Variants in ADRA1A observed in about 807,000 individuals in gnomAD.
ADRA1A encodes adrenoceptor alpha 1A.
Under a neutral mutation model 29.6 loss-of-function variants are expected in ADRA1A, and 31 were observed. The ratio of observed to expected loss-of-function variants is 1.05; its 90% CI spans 0.79 to 1.41. ADRA1A has a LOEUF of 1.41. Ranked by LOEUF, ADRA1A falls within the 40% of genes most tolerant of loss-of-function variation. ADRA1A has a pLI of 0.00. For synonymous variants in ADRA1A, 311 were observed against 254.3 expected, an observed-to-expected ratio of 1.22 and a Z score of -2.12; for missense variants, 619 against 601.1, an observed-to-expected ratio of 1.03 and a Z score of -0.31.
chr8:26,839,665 C>T (rs928632460), intron 2 of ADRA1A, among the ~76,000 whole-genome samples: 2 of 152,150 alleles, frequency 1.3e-5, no homozygotes, highest in Non-Finnish European at 2.9e-5. Context: ...TTAGTCCACT[C>T]TGGGGTGGCT....
At chr8:26,807,878 C>T (rs1318934312) in intron 2 of ADRA1A, among the ~76,000 whole-genome samples, 3 of 152,078 alleles carry the variant, frequency 2.0e-5, no homozygotes, top group African/African-American at 7.2e-5. Context: ...TTTGCAAGGT[C>T]CAAGCCTCAC....
At chr8:26,826,131 C>G (rs1810544005) in intron 2 of ADRA1A, among the ~76,000 whole-genome samples, 1 of 152,334 alleles carries the variant, frequency 6.6e-6, no homozygotes, top group South Asian at 2.1e-4. Context: ...CTTCTGTGGC[C>G]TTCCTCAGGC....
At chr8:26,757,219 G>C in intron 2 of ADRA1A, 5 of 695,746 alleles carry the variant, frequency 7.2e-6, no homozygotes, top group Non-Finnish European at 7.9e-6. Context: ...ACAAGTTTGA[G>C]ATTCTGAGTC....
At position 26,864,255 on chromosome 8, in the gene ADRA1A, T is replaced by C; in HGVS notation, c.715A>G (p.Lys239Glu). 1 of 1,614,156 alleles carries C rather than the reference T, an allele frequency of 6.2e-7. No individual in the cohort carries two copies. The highest frequency in any genetic ancestry group is 8.5e-7 in the Non-Finnish European group (1 of 1,180,026). ...CCGCTGCCTCCTGCCGGGGCGTTTT[T>C]CCGATGGATGCGGAGCGTCACTTGC... ...SEQVTLRIHR[K>E]NAPAGGSGMA... The change falls in exon 2 of 3, where the codon AAA (lysine) becomes GAA (glutamate). Residue 239 changes from lysine to glutamate, a missense_variant. By Grantham distance (56) the Lys-to-Glu change is moderately conservative. Coordinates refer to ENST00000380573, the MANE Select transcript of ADRA1A (RefSeq NM_000680.4). The surrounding 1 kb of genome is among the most constrained non-coding windows in gnomAD (Gnocchi z 8.1).
At chr8:26,762,257 G>C (rs35615018), downstream of ADRA1A, among the ~76,000 whole-genome samples, 14,589 of 152,132 alleles carry the variant, frequency 0.096, 1,019 homozygotes, top group East Asian at 0.34. The surrounding 1 kb of genome is among the most constrained non-coding windows in gnomAD (Gnocchi z 4.0). Flanking sequence ...GTGGCTGCAC[G>C]TTGTTTGTAC....
chr8:26,777,799 G>C (rs139336326), intron 2 of ADRA1A, among the ~76,000 whole-genome samples: 1 of 152,208 alleles, frequency 6.6e-6, no homozygotes, highest in Non-Finnish European at 1.5e-5. Flanking sequence ...AAGGGGAACC[G>C]GGCACACTGT....
chr8:26,799,852 A>T (rs1808441662), intron 2 of ADRA1A, among the ~76,000 whole-genome samples: 1 of 152,246 alleles, frequency 6.6e-6, no homozygotes, highest in East Asian at 1.9e-4. Flanking sequence ...AAGAAGAAAG[A>T]ACATTTGAAT....
In ADRA1A at chr8:26,794,741, A is replaced by G. The variant is rs77543000; in HGVS notation, c.884-24075T>C. Among the ~76,000 whole-genome samples the G allele has an allele frequency of 1.1e-4, 16 of 152,234 alleles. No homozygotes were observed. In the East Asian group the frequency reaches 3.1e-3, roughly 29 times the overall value. On this transcript the variant is annotated intron_variant, in intron 2 of 2. Transcript: ENST00000380573. Reference sequence around the variant, plus strand: ...GACCTATGAGCTCTAGTTAGCTAACATCTAAGGTAGGATTTATCCCTCACT... The same window carrying G: ...GACCTATGAGCTCTAGTTAGCTAACGTCTAAGGTAGGATTTATCCCTCACT...
At chr8:26,840,880 G>C (rs577603663) in intron 2 of ADRA1A, among the ~76,000 whole-genome samples, 3 of 152,282 alleles carry the variant, frequency 2.0e-5, no homozygotes, top group Admixed American at 2.0e-4. Context: ...TCTCAGTAAT[G>C]ACAGGAGAAT....
chr8:26,865,299 A>C lies in ADRA1A; in HGVS notation c.-330T>G. 1 of 1,163,576 alleles carries C rather than the reference A, an allele frequency of 8.6e-7. No individual in the cohort carries two copies. The highest frequency in any genetic ancestry group is 1.1e-6 in the Non-Finnish European group (1 of 942,604). The allele number at this position is 1,163,576 out of a possible 1,614,324, so 72.1% of individuals were successfully genotyped here. On this transcript the variant is annotated 5_prime_UTR_variant, in exon 2 of 3. Transcript: ENST00000380573. This position sits in a 1 kb window ranked among gnomAD's most constrained non-coding sequence, Gnocchi z 7.6. ...GAAGCTGGGTGCGAAGATCCAGGAG[A>C]CTCCTTGCAACATGCAATTCCAGAA...
intron 2 of ADRA1A, among the ~76,000 whole-genome samples, chr8:26,838,568 T>A (rs1811562439): frequency 6.6e-6 from 1 of 152,224 alleles, no homozygotes; most frequent in South Asian, 2.1e-4. Flanking sequence ...GCCTATGGAA[T>A]ACAATTTAGA....
At chr8:26,783,026 A>C (rs1695948915) in intron 2 of ADRA1A, among the ~76,000 whole-genome samples, 1 of 152,082 alleles carries the variant, frequency 6.6e-6, no homozygotes, top group South Asian at 2.1e-4. Flanking sequence ...TCTGGCCACC[A>C]CCACGTCTAG....
At chr8:26,798,026 TG>T (rs1251787083) in intron 2 of ADRA1A, among the ~76,000 whole-genome samples, 1 of 151,768 alleles carries the variant, frequency 6.6e-6, no homozygotes, top group Non-Finnish European at 1.5e-5. Flanking sequence ...TCACCCAGGC[TG>T]GAGTTCAGTG....
At chr8:26,777,155 A>G (rs1242206785) in intron 2 of ADRA1A, among the ~76,000 whole-genome samples, 1 of 152,204 alleles carries the variant, frequency 6.6e-6, no homozygotes, top group Non-Finnish European at 1.5e-5. Flanking sequence ...CCTGGGGTTT[A>G]TGTGGGGCCA....
chr8:26,834,328 A>G (rs983474710), intron 2 of ADRA1A, among the ~76,000 whole-genome samples: 2 of 152,224 alleles, frequency 1.3e-5, no homozygotes, highest in Non-Finnish European at 2.9e-5. Context: ...CATTTCAACA[A>G]AGAGTTTACT....
At chr8:26,826,894 C>T (rs927550528) in intron 2 of ADRA1A, among the ~76,000 whole-genome samples, 2 of 152,206 alleles carry the variant, frequency 1.3e-5, no homozygotes, top group Non-Finnish European at 1.5e-5. Context: ...CTCATAAGAC[C>T]TCAGTCAATT....
intron 2 of ADRA1A, among the ~76,000 whole-genome samples, chr8:26,814,283 G>A (rs1371462129): frequency 4.0e-5 from 6 of 151,640 alleles, no homozygotes; most frequent in South Asian, 2.1e-4. Flanking sequence ...TTGCTCTGTC[G>A]CCCAGGCTGG....
At position 26,815,396 on chromosome 8, in the gene ADRA1A, T is replaced by G. The variant is rs73231567; in HGVS notation, c.884-44730A>C. On this transcript the variant is annotated intron_variant, in intron 2 of 2. Transcript: ENST00000380573. This position sits in a 1 kb window ranked among gnomAD's most constrained non-coding sequence, Gnocchi z 4.2. ...GGGAGCAAAAAATTATCCAAAGCACTAAAACAAGAGGTAGCAAAAACCTAA... is the reference window on the plus strand; with the variant it reads ...GGGAGCAAAAAATTATCCAAAGCACGAAAACAAGAGGTAGCAAAAACCTAA... Among the ~76,000 whole-genome samples, 20,073 of 152,198 alleles carry G rather than the reference T, an allele frequency of 0.13. 1,640 individuals carry two copies. The highest frequency in any genetic ancestry group is 0.29 in the Middle Eastern group (86 of 294).
At chr8:26,807,805 C>T (rs958949477) in intron 2 of ADRA1A, among the ~76,000 whole-genome samples, 15 of 152,104 alleles carry the variant, frequency 9.9e-5, no homozygotes, top group Non-Finnish European at 1.9e-4. Context: ...GCAAGAGACA[C>T]ACCAAAGAGG....
Sources: allele counts gnomAD v4.1 joint callset (sites outside exome capture counted in the v4.1 genomes callset), GRCh38; gene constraint gnomAD v4.1.1; non-coding constraint Gnocchi (gnomAD v3.1); transcripts MANE v1.5; gene names NCBI Gene and HGNC (gene_info 2026-07-23, HGNC 2026-07-21).